The following ZNF804B variants were observed in gnomAD, a reference collection of about 807,000 sequenced individuals.
ZNF804B encodes the protein zinc finger protein 804B, also known as zinc finger 804B.
Under a neutral mutation model 101.4 loss-of-function variants are expected in ZNF804B, and 80 were observed. The observed-to-expected ratio is 0.79, with a 90% confidence interval of 0.66 to 0.95. The LOEUF (loss-of-function observed/expected upper bound fraction) is 0.95, where lower values mean the gene tolerates loss of function less well. ZNF804B is among the 40% of genes least tolerant of loss of function. The probability of loss-of-function intolerance (pLI) is 0.00; values close to 1 mark genes in which losing one functional copy is unlikely to be tolerated. For synonymous variants in ZNF804B, 622 were observed against 558.8 expected (o/e 1.11, Z -1.59); for missense variants, 1,673 against 1,561.9 (o/e 1.07, Z -1.20).
chr7:89,045,478 A>G (rs566028055), intron 1 of ZNF804B, among the ~76,000 whole-genome samples: 8 of 152,276 alleles, frequency 5.3e-5, no homozygotes, highest in Non-Finnish European at 8.8e-5. Context: ...CAGACACTCA[A>G]TGTCAGTCAT....
At chr7:89,203,480 A>T (rs56177131) in intron 1 of ZNF804B, among the ~76,000 whole-genome samples, 23,741 of 152,042 alleles carry the variant, frequency 0.16, 2,266 homozygotes, top group Middle Eastern at 0.27. Flanking sequence ...AGCATTTTTT[A>T]AATTTTTTTC....
intron 2 of ZNF804B, among the ~76,000 whole-genome samples, chr7:89,314,253 T>G (rs1255362597): frequency 1.3e-5 from 2 of 152,282 alleles, no homozygotes; most frequent in East Asian, 3.9e-4. Context: ...GAAAGACCAT[T>G]TCTTACATAA....
intron 1 of ZNF804B, among the ~76,000 whole-genome samples, chr7:89,044,201 T>C (rs1157722195): frequency 6.6e-6 from 1 of 152,146 alleles, no homozygotes; most frequent in Non-Finnish European, 1.5e-5. Flanking sequence ...TATAAAGGGC[T>C]TTTCCCTCTT....
At chr7:88,764,476 T>G (rs1199685240) in intron 1 of ZNF804B, among the ~76,000 whole-genome samples, 4 of 152,172 alleles carry the variant, frequency 2.6e-5, no homozygotes, top group Non-Finnish European at 4.4e-5. Context: ...TATAGCTGAT[T>G]AAATTGGCTA....
chr7:89,181,592 A>G (rs1335816004), intron 1 of ZNF804B, among the ~76,000 whole-genome samples: 1 of 148,882 alleles, frequency 6.7e-6, no homozygotes, highest in African/African-American at 2.5e-5. Context: ...GGTCTCCACA[A>G]TTCAAGACTG....
chr7:89,308,100 A>G (rs1790593709), intron 2 of ZNF804B, among the ~76,000 whole-genome samples: 1 of 152,156 alleles, frequency 6.6e-6, no homozygotes, highest in Non-Finnish European at 1.5e-5. Flanking sequence ...GAGTCTTCTG[A>G]GTATTTTTCA....
At chr7:88,924,834 T>G (rs544301958) in intron 1 of ZNF804B, among the ~76,000 whole-genome samples, 35 of 152,102 alleles carry the variant, frequency 2.3e-4, no homozygotes, top group Admixed American at 2.1e-3. Flanking sequence ...TTGTTTACTT[T>G]GTGCCCCCGC....
intron 1 of ZNF804B, among the ~76,000 whole-genome samples, chr7:89,144,058 A>C (rs975763517): frequency 6.6e-6 from 1 of 152,008 alleles, no homozygotes; most frequent in Non-Finnish European, 1.5e-5. Context: ...GAAAAAAAGT[A>C]GATATTTATT....
rs58645434 is a variant in ZNF804B at position 88,925,997 on chromosome 7, T to C, written c.108+165913T>C. Among the ~76,000 whole-genome samples the C allele has an allele frequency of 5.9e-3, 901 of 152,218 alleles. 12 individuals are homozygous for C. Among genetic ancestry groups the C allele is most frequent in the African/African-American group, 0.02 (851 of 41,532 alleles). Reference sequence around the variant, plus strand: ...GCCAGGATGTTGGGAGACCTGCCCATAGACTGGAGTCAGGTACTAGAAAGA... The same window carrying C: ...GCCAGGATGTTGGGAGACCTGCCCACAGACTGGAGTCAGGTACTAGAAAGA... On this transcript the variant is annotated intron_variant, in intron 1 of 3. Transcript: ENST00000333190.
intron 1 of ZNF804B, among the ~76,000 whole-genome samples, chr7:89,174,602 G>A (rs909808322): frequency 2.0e-4 from 30 of 151,820 alleles, no homozygotes; most frequent in African/African-American, 6.8e-4. Context: ...CTTTCTTCTG[G>A]GTATATACTT....
At chr7:89,324,157 T>G (rs1042251695) in intron 2 of ZNF804B, among the ~76,000 whole-genome samples, 1 of 152,104 alleles carries the variant, frequency 6.6e-6, no homozygotes, top group African/African-American at 2.4e-5. Flanking sequence ...TTGCAATTAG[T>G]ATTTTGTTGA....
At chr7:89,051,912 C>G (rs1446391665) in intron 1 of ZNF804B, among the ~76,000 whole-genome samples, 3 of 152,080 alleles carry the variant, frequency 2.0e-5, no homozygotes, top group Non-Finnish European at 4.4e-5. Context: ...ACCAAGACCT[C>G]CCTCACTGGG....
intron 2 of ZNF804B, among the ~76,000 whole-genome samples, chr7:89,253,265 A>C (rs889852388): frequency 7.9e-5 from 12 of 152,138 alleles, no homozygotes; most frequent in African/African-American, 2.7e-4. Context: ...ATAAAAAACT[A>C]AAATGTAAAA....
chr7:89,328,038 A>C (rs1790923716), intron 3 of ZNF804B, among the ~76,000 whole-genome samples: 1 of 152,018 alleles, frequency 6.6e-6, no homozygotes, highest in Non-Finnish European at 1.5e-5. Flanking sequence ...GAACCACTGG[A>C]TGTTTCAAAG....
At chr7:88,831,332 A>G (rs1791128903) in intron 1 of ZNF804B, among the ~76,000 whole-genome samples, 1 of 151,946 alleles carries the variant, frequency 6.6e-6, no homozygotes, top group Non-Finnish European at 1.5e-5. Context: ...GGTCTAACAG[A>G]CATGATATTT....
At chr7:88,926,936 T>TGGC (rs1554346814) in intron 1 of ZNF804B, among the ~76,000 whole-genome samples, 1 of 85,448 alleles carries the variant, frequency 1.2e-5, no homozygotes, top group South Asian at 4.5e-4. Flanking sequence ...TGCCGGGTGG[T>TGGC]GGGGAGCGGG....
intron 1 of ZNF804B, among the ~76,000 whole-genome samples, chr7:89,152,703 CT>C (rs1790897945): frequency 1.3e-5 from 2 of 152,010 alleles, no homozygotes; most frequent in Non-Finnish European, 2.9e-5. Flanking sequence ...ATATAGTTAC[CT>C]GTTTTCTTGC....
chr7:88,925,786 T>C (rs1217928838), intron 1 of ZNF804B, among the ~76,000 whole-genome samples: 1 of 151,986 alleles, frequency 6.6e-6, no homozygotes, highest in South Asian at 2.1e-4. Flanking sequence ...CTAAAAACAG[T>C]CCAGTGTCAA....
chr7:89,316,214 G>C (rs933320201), intron 2 of ZNF804B, among the ~76,000 whole-genome samples: 1 of 152,048 alleles, frequency 6.6e-6, no homozygotes, highest in East Asian at 1.9e-4. Context: ...AAATGAAGCT[G>C]TGTTCTTCCT....
Sources: allele counts gnomAD v4.1 joint callset (sites outside exome capture counted in the v4.1 genomes callset), GRCh38; gene constraint gnomAD v4.1.1; transcripts MANE v1.5; gene names NCBI Gene and HGNC (gene_info 2026-07-23, HGNC 2026-07-21).